SLFN12L: variants seen among roughly 807,000 people sequenced by gnomAD.
The protein encoded by SLFN12L is schlafen family member 12-like.
In SLFN12L, 34 loss-of-function variants were observed where a neutral mutation model predicts 34.8. That is an observed-to-expected ratio of 0.98 (90% CI 0.74 to 1.30). The LOEUF is 1.30. Among genes scored for constraint, SLFN12L ranks in the 50% most tolerant of loss-of-function variants. The pLI is 0.00. For synonymous variants in SLFN12L, 259 were observed against 247.5 expected, an observed-to-expected ratio of 1.05 and a Z score of -0.44; for missense variants, 703 against 696.2, an observed-to-expected ratio of 1.01 and a Z score of -0.11.
intron 2 of SLFN12L, chr17:35,487,822 C>T (rs1459397920): frequency 3.5e-6 from 5 of 1,425,610 alleles, no homozygotes; most frequent in Non-Finnish European, 4.8e-6. Context: ...GCTAGCCCCT[C>T]GCTCAGCTGC....
intron 2 of SLFN12L, among the ~76,000 whole-genome samples, chr17:35,493,246 G>A (rs765765295): frequency 6.6e-6 from 1 of 152,208 alleles, no homozygotes; most frequent in Non-Finnish European, 1.5e-5. Context: ...ATTGGGGTGG[G>A]GGAGGGAGAG....
At chr17:35,525,068 G>A (rs1029271740) in intron 1 of SLFN12L, among the ~76,000 whole-genome samples, 1 of 151,846 alleles carries the variant, frequency 6.6e-6, no homozygotes, top group Non-Finnish European at 1.5e-5. Context: ...ACATACACAA[G>A]TATCAGTAGC....
In SLFN12L at chr17:35,474,927, C is replaced by G; in HGVS notation, c.1835G>C (p.Arg612Thr). The G allele has an allele frequency of 6.5e-7, 1 of 1,542,836 alleles. No homozygotes were observed. The highest frequency in any genetic ancestry group is 8.7e-7 in the Non-Finnish European group (1 of 1,144,068). ...GTCTGGGTGACAGAGTGAGACTCAT[C>G]TCAAGAAAAAACAAACAAACCAACA... ...FVCWFVCFFL[R>T] The change falls in exon 5 of 5, where the codon AGA (arginine) becomes ACA (threonine). Residue 612 changes from arginine to threonine, a missense_variant. Physicochemically the swap from Arg to Thr is moderately conservative, Grantham distance 71 (BLOSUM62 -1). Coordinates refer to ENST00000628453, the MANE Select transcript of SLFN12L (RefSeq NM_001363830.2).
intron 2 of SLFN12L, chr17:35,510,364 G>T (rs555805911): frequency 1.3e-5 from 2 of 152,308 alleles, no homozygotes; most frequent in African/African-American, 4.8e-5. Flanking sequence ...AATGTCTATC[G>T]AGATGAATGA....
chr17:35,504,164 G>A (rs1915391136), intron 2 of SLFN12L, among the ~76,000 whole-genome samples: 1 of 152,140 alleles, frequency 6.6e-6, no homozygotes, highest in Non-Finnish European at 1.5e-5. Flanking sequence ...CTCTACTTCA[G>A]AAAAGTACCT....
chr17:35,472,015 G>A lies in SLFN12L; in HGVS notation c.*2908C>T, dbSNP rs558020705. The stretch of plus-strand genomic sequence containing the variant: ...TTTTCTCCCATTCTGTAGGTTGTCC[G>A]TTCACTCTGATGGTGGTTTCTTTCC... On this transcript the variant is annotated 3_prime_UTR_variant, in exon 5 of 5. Coordinates refer to ENST00000628453, the MANE Select transcript of SLFN12L (RefSeq NM_001363830.2). Among the ~76,000 whole-genome samples, 6 of 152,228 alleles carry A rather than the reference G, an allele frequency of 3.9e-5. No individual in the cohort carries two copies. The highest frequency in any genetic ancestry group is 2.1e-4 in the South Asian group (1 of 4,822).
chr17:35,508,014 G>C (rs1377952218), intron 2 of SLFN12L, among the ~76,000 whole-genome samples: 3 of 152,192 alleles, frequency 2.0e-5, no homozygotes, highest in African/African-American at 7.2e-5. Context: ...CAGATAGCCT[G>C]GTGCCGTGCC....
At chr17:35,523,094 A>G (rs1916046594) in intron 1 of SLFN12L, 125 bp from the exon 2 acceptor site, 1 of 235,746 alleles carries the variant, frequency 4.2e-6, no homozygotes, top group Non-Finnish European at 8.1e-6. Context: ...ATTCTTCTAT[A>G]AACATTATAT....
At chr17:35,515,123 A>T in intron 2 of SLFN12L, 1 of 628,800 alleles carries the variant, frequency 1.6e-6, no homozygotes, top group Non-Finnish European at 3.1e-6. Flanking sequence ...CGGTCGAAGT[A>T]GATGCAGTAC....
chr17:35,478,390 A>G (rs921518749), intron 3 of SLFN12L: 2 of 389,320 alleles, frequency 5.1e-6, no homozygotes, highest in Non-Finnish European at 9.1e-6. Context: ...TGCTGCTGAA[A>G]CACTCTATAC....
At chr17:35,501,991 AG>A (rs1915310191) in intron 2 of SLFN12L, among the ~76,000 whole-genome samples, 1 of 151,966 alleles carries the variant, frequency 6.6e-6, no homozygotes, top group Admixed American at 6.6e-5. Flanking sequence ...GAGGGAGTCA[AG>A]AAGAGAGAGA....
chr17:35,521,398 T>C (rs145906239), intron 2 of SLFN12L, among the ~76,000 whole-genome samples: 235 of 152,384 alleles, frequency 1.5e-3, no homozygotes, highest in African/African-American at 5.6e-3. Flanking sequence ...CTTTCTGTAC[T>C]ATCTTTGCAA....
At chr17:35,494,120 A>G (rs1434598739) in intron 2 of SLFN12L, among the ~76,000 whole-genome samples, 1 of 152,182 alleles carries the variant, frequency 6.6e-6, no homozygotes, top group Non-Finnish European at 1.5e-5. Flanking sequence ...GGGGTACGTG[A>G]TTTTGTAAAA....
intron 2 of SLFN12L, among the ~76,000 whole-genome samples, chr17:35,486,678 T>G (rs998017252): frequency 6.6e-6 from 1 of 152,180 alleles, no homozygotes; most frequent in East Asian, 1.9e-4. Context: ...CCTTAAACCT[T>G]GGGTCTAGGT....
Position 35,473,964 on chromosome 17 carries a change from G to A in SLFN12L, c.*959C>T, listed in dbSNP as rs1400978834. On this transcript the variant is annotated 3_prime_UTR_variant, in exon 5 of 5. Transcript: ENST00000628453. The stretch of plus-strand genomic sequence containing the variant: ...GACAGAGTCTTGCTCTCTTGCCCAA[G>A]CTGGAGTGCAGTGGTGTGGTCTTGG... 2 of 152,216 alleles carry A rather than the reference G, an allele frequency of 1.3e-5. No individual in the cohort carries two copies. Among genetic ancestry groups the A allele is most frequent in the Non-Finnish European group, 2.9e-5 (2 of 68,048 alleles). The allele number at this position is 152,216 out of a possible 1,614,324, so 9.4% of individuals were successfully genotyped here. A position where few individuals can be genotyped will look rare whatever the true frequency, so the allele number is the denominator to read the frequency against.
chr17:35,529,375 G>C (rs1005427386), intron 1 of SLFN12L, among the ~76,000 whole-genome samples: 16 of 152,114 alleles, frequency 1.1e-4, no homozygotes, highest in African/African-American at 3.4e-4. Context: ...AAATTATTCT[G>C]CTATAAAGAC....
In SLFN12L at chr17:35,467,065, G is replaced by A. The variant is rs1212370724; in HGVS notation, c.*7858C>T. Among the ~76,000 whole-genome samples, 1 of 152,160 alleles carries A rather than the reference G, an allele frequency of 6.6e-6. No individual in the cohort carries two copies. The highest frequency in any genetic ancestry group is 1.5e-5 in the Non-Finnish European group (1 of 68,030). On this transcript the variant is annotated 3_prime_UTR_variant, in exon 5 of 5. Coordinates refer to ENST00000628453, the MANE Select transcript of SLFN12L (RefSeq NM_001363830.2). ...CCTGGGCTCTCTAGCATATTCACAC[G>A]CAGAAGGGAGTGACGTCCCCAGTCC...
intron 2 of SLFN12L, among the ~76,000 whole-genome samples, chr17:35,495,533 C>T (rs904077267): frequency 6.6e-6 from 1 of 152,204 alleles, no homozygotes. Context: ...CTCCAGGACA[C>T]AGGCCAAAAC....
At chr17:35,518,881 A>G (rs1360687470) in intron 2 of SLFN12L, among the ~76,000 whole-genome samples, 5 of 152,226 alleles carry the variant, frequency 3.3e-5, no homozygotes, top group Admixed American at 6.5e-5. Context: ...TCATTCTACT[A>G]TAAAGACACA....
Sources: gnomAD v4.1 joint callset for allele counts (sites outside exome capture counted in the v4.1 genomes callset) on GRCh38, gnomAD v4.1.1 for gene constraint, MANE v1.5 for transcripts, NCBI Gene and HGNC (gene_info 2026-07-23, HGNC 2026-07-21) for gene names.